The following MACROD2 variants were observed in gnomAD, a reference collection of about 807,000 sequenced individuals.
The protein encoded by MACROD2 is ADP-ribose glycohydrolase MACROD2.
A neutral mutation model predicts 70.4 loss-of-function variants in MACROD2; 36 were observed. The ratio of observed to expected loss-of-function variants is 0.51; its 90% CI spans 0.39 to 0.68. MACROD2 has a LOEUF of 0.68. Ranked by LOEUF, MACROD2 falls within the 30% of genes least tolerant of loss-of-function variation. The pLI, the probability that MACROD2 is intolerant of heterozygous loss-of-function variation, is 0.00. For synonymous variants in MACROD2, 172 were observed against 178.8 expected, an observed-to-expected ratio of 0.96 and a Z score of 0.30; for missense variants, 496 against 538.4, an observed-to-expected ratio of 0.92 and a Z score of 0.78.
intron 8 of MACROD2, among the ~76,000 whole-genome samples, chr20:15,724,765 C>G (rs1235709218): frequency 6.6e-6 from 1 of 152,056 alleles, no homozygotes; most frequent in Non-Finnish European, 1.5e-5. Flanking sequence ...GTTAGCTGTT[C>G]TGGGTCTTCT....
At chr20:15,792,926 C>T (rs16996551) in intron 8 of MACROD2, among the ~76,000 whole-genome samples, 69,500 of 151,922 alleles carry the variant, frequency 0.46, 16,469 homozygotes, top group African/African-American at 0.59. Context: ...ACGGACCTGG[C>T]TGAACCATTA....
At chr20:14,259,407 T>G (rs1353158254) in intron 3 of MACROD2, among the ~76,000 whole-genome samples, 1 of 152,242 alleles carries the variant, frequency 6.6e-6, no homozygotes, top group East Asian at 1.9e-4. Context: ...ATTATGTATA[T>G]TAGCCCAAGT....
chr20:14,911,586 C>T (rs2074028154), intron 5 of MACROD2, among the ~76,000 whole-genome samples: 1 of 151,888 alleles, frequency 6.6e-6, no homozygotes, highest in South Asian at 2.1e-4. Flanking sequence ...ACTATGATGC[C>T]CAGGCTGGTC....
intron 6 of MACROD2, among the ~76,000 whole-genome samples, chr20:15,380,734 A>AT (rs2146277492): frequency 6.6e-6 from 1 of 152,308 alleles, no homozygotes; most frequent in Non-Finnish European, 1.5e-5. Flanking sequence ...AACAATATAG[A>AT]TTAAGGTTTT....
intron 8 of MACROD2, among the ~76,000 whole-genome samples, chr20:15,748,799 C>T (rs1021982965): frequency 6.6e-6 from 1 of 152,016 alleles, no homozygotes; most frequent in Non-Finnish European, 1.5e-5. Context: ...TAAATCAAGA[C>T]CCAGGAGAAA....
At chr20:14,099,045 C>T (rs1263429072) in intron 3 of MACROD2, among the ~76,000 whole-genome samples, 7 of 151,914 alleles carry the variant, frequency 4.6e-5, no homozygotes, top group Admixed American at 6.6e-5. Flanking sequence ...TTTGGGAGGC[C>T]GAGGCAGGTG....
intron 8 of MACROD2, among the ~76,000 whole-genome samples, chr20:15,768,975 C>A (rs923715208): frequency 6.6e-6 from 1 of 152,198 alleles, no homozygotes; most frequent in Non-Finnish European, 1.5e-5. Context: ...ACTCATGGAG[C>A]TGTCAGCTCC....
chr20:15,078,848 A>ATT (rs1241291956), intron 5 of MACROD2, among the ~76,000 whole-genome samples: 1 of 151,844 alleles, frequency 6.6e-6, no homozygotes, highest in African/African-American at 2.4e-5. Context: ...ATTTTGTCAT[A>ATT]TTGGTCAGGC....
intron 2 of MACROD2, among the ~76,000 whole-genome samples, chr20:14,006,490 G>A (rs376589942): frequency 2.6e-5 from 4 of 151,948 alleles, no homozygotes; most frequent in African/African-American, 7.2e-5. Flanking sequence ...TATTTTTGTT[G>A]TTTTACTAAA....
chr20:15,901,387 T>C (rs1187397438), intron 10 of MACROD2, among the ~76,000 whole-genome samples: 1 of 152,176 alleles, frequency 6.6e-6, no homozygotes. Context: ...ATCTTTGGTT[T>C]TGAATTTTGA....
chr20:15,849,018 C>G (rs188239187), intron 8 of MACROD2, among the ~76,000 whole-genome samples: 3 of 152,094 alleles, frequency 2.0e-5, no homozygotes, highest in Non-Finnish European at 4.4e-5. Context: ...AGATATAAAG[C>G]GACAATCAAA....
chr20:14,903,092 A>T (rs1600796703), intron 5 of MACROD2, among the ~76,000 whole-genome samples: 1 of 122,592 alleles, frequency 8.2e-6, no homozygotes, highest in South Asian at 2.6e-4. Context: ...CCCAGGCTGG[A>T]GTGCAATGGT....
chr20:14,270,418 T>C (rs542471339), intron 3 of MACROD2, among the ~76,000 whole-genome samples: 1 of 152,052 alleles, frequency 6.6e-6, no homozygotes, highest in African/African-American at 2.4e-5. Flanking sequence ...GTTGAAACCC[T>C]GTCTCTACTA....
At position 15,851,719 on chromosome 20, in the gene MACROD2, G is replaced by C. The variant is rs367593228; in HGVS notation, c.646-11026G>C. Among the ~76,000 whole-genome samples, 4 of 152,162 alleles carry C rather than the reference G, an allele frequency of 2.6e-5. 1 individual carries two copies. The East Asian group carries it at 7.7e-4, about 29-fold the overall frequency. On this transcript the variant is annotated intron_variant, in intron 8 of 17. Coordinates refer to ENST00000684519, the MANE Select transcript of MACROD2 (RefSeq NM_001351661.2). The stretch of plus-strand genomic sequence containing the variant: ...CGAGCTGCATCAAATTGAGGGAAGG[G>C]GGTCTGGGCCTTGAGGCTACTCCGT...
At chr20:15,819,420 A>T (rs957742560) in intron 8 of MACROD2, among the ~76,000 whole-genome samples, 62 of 143,140 alleles carry the variant, frequency 4.3e-4, no homozygotes, top group Non-Finnish European at 7.4e-4. Flanking sequence ...TATTTATATA[A>T]ATATAAATAA....
rs183552490 is a variant in MACROD2 at position 14,111,224 on chromosome 20, A to G, written c.271+25496A>G. Among the ~76,000 whole-genome samples, 432 of 152,114 alleles carry G rather than the reference A, an allele frequency of 2.8e-3. 1 individual carries two copies. Among genetic ancestry groups the G allele is most frequent in the Non-Finnish European group, 3.6e-3 (242 of 67,880 alleles). On this transcript the variant is annotated intron_variant, in intron 3 of 17. Coordinates refer to ENST00000684519, the MANE Select transcript of MACROD2 (RefSeq NM_001351661.2). ...TCATCATATACAAAAGTCAAACCAAAATGGATTAAAGACTTAAATCTGACT... is the reference window on the plus strand; with the variant it reads ...TCATCATATACAAAAGTCAAACCAAGATGGATTAAAGACTTAAATCTGACT...
intron 4 of MACROD2, among the ~76,000 whole-genome samples, chr20:14,613,597 A>G (rs1159293393): frequency 6.6e-6 from 1 of 152,106 alleles, no homozygotes; most frequent in Non-Finnish European, 1.5e-5. Flanking sequence ...GACAAAACAC[A>G]GTGGAGATTT....
intron 5 of MACROD2, among the ~76,000 whole-genome samples, chr20:15,183,522 T>C (rs2076514606): frequency 6.6e-6 from 1 of 152,074 alleles, no homozygotes; most frequent in African/African-American, 2.4e-5. Flanking sequence ...AAATAGATCT[T>C]ATTTACTATA....
chr20:14,643,976 G>A (rs762479379), intron 4 of MACROD2, among the ~76,000 whole-genome samples: 8 of 152,050 alleles, frequency 5.3e-5, no homozygotes, highest in African/African-American at 1.9e-4. Context: ...ATAATAATAC[G>A]TAACTGATAA....
Sources: allele counts gnomAD v4.1 joint callset (sites outside exome capture counted in the v4.1 genomes callset), GRCh38; gene constraint gnomAD v4.1.1; transcripts MANE v1.5; gene names NCBI Gene and HGNC (gene_info 2026-07-23, HGNC 2026-07-21).